Variants in CRACD observed in about 807,000 individuals in gnomAD.
The protein encoded by CRACD is capping protein inhibiting regulator of actin dynamics.
In CRACD, 56 loss-of-function variants were observed where a neutral mutation model predicts 106.8. That is an observed-to-expected ratio of 0.52 (90% CI 0.42 to 0.66). The LOEUF (loss-of-function observed/expected upper bound fraction) is 0.66. CRACD is among the 30% of genes least tolerant of loss of function. The pLI, the probability that CRACD is intolerant of heterozygous loss-of-function variation, is 0.00. For synonymous variants in CRACD, 754 were observed against 670.8 expected (o/e 1.12, Z -1.92); for missense variants, 1,730 against 1,623.2 (o/e 1.07, Z -1.13).
At chr4:56,229,421 G>T (rs574956820) in intron 2 of CRACD, among the ~76,000 whole-genome samples, 1 of 152,256 alleles carries the variant, frequency 6.6e-6, no homozygotes, top group African/African-American at 2.4e-5. Context: ...CAGGGCTTTC[G>T]CCAGACACTG....
chr4:56,236,776 C>T (rs1411102210), intron 2 of CRACD, among the ~76,000 whole-genome samples: 4 of 150,532 alleles, frequency 2.7e-5, no homozygotes, highest in Non-Finnish European at 5.9e-5. Flanking sequence ...GCAAAATATG[C>T]CATGAGAAAA....
In CRACD at chr4:56,327,908, A is replaced by C; in HGVS notation, c.*104A>C. 1 of 1,061,568 alleles carries C rather than the reference A, an allele frequency of 9.4e-7. No homozygotes were observed. The highest frequency in any genetic ancestry group is 1.4e-6 in the Non-Finnish European group (1 of 737,130). 65.8% of individuals were successfully genotyped at this position (1,061,568 alleles called of 1,614,324 possible). ...GTAAAGAAATCAAGCTAGGGAAAAG[A>C]AGCATGTTTTATAGGCTCCAAAATA... On this transcript the variant is annotated 3_prime_UTR_variant, in exon 11 of 11. Coordinates refer to ENST00000682029, the MANE Select transcript of CRACD (RefSeq NM_001393381.1).
chr4:56,161,246 T>C (rs1735939507), intron 1 of CRACD, among the ~76,000 whole-genome samples: 2 of 152,182 alleles, frequency 1.3e-5, no homozygotes, highest in African/African-American at 4.8e-5. Context: ...AATATTTTGC[T>C]TTTGCATAAA....
intron 1 of CRACD, among the ~76,000 whole-genome samples, chr4:56,074,075 T>C (rs973122707): frequency 2.6e-5 from 4 of 151,886 alleles, no homozygotes; most frequent in African/African-American, 7.2e-5. Flanking sequence ...TCTGTTTTGG[T>C]ATATACTGTA....
chr4:56,249,976 G>A lies in CRACD; in HGVS notation c.-188-22345G>A, dbSNP rs374394783. On this transcript the variant is annotated intron_variant, in intron 2 of 10. Coordinates refer to ENST00000682029, the MANE Select transcript of CRACD (RefSeq NM_001393381.1). ...ACCCAGAATACTGCCATCTGCCAGTGAGATCTAATAAGTCCTGGGATTTGG... is the reference window on the plus strand; with the variant it reads ...ACCCAGAATACTGCCATCTGCCAGTAAGATCTAATAAGTCCTGGGATTTGG... Among the ~76,000 whole-genome samples the A allele has an allele frequency of 3.3e-5, 5 of 152,320 alleles. No homozygotes were observed. In the South Asian group the frequency reaches 8.3e-4, roughly 25 times the overall value.
chr4:56,108,078 T>C (rs1242921483), intron 1 of CRACD, among the ~76,000 whole-genome samples: 1 of 152,180 alleles, frequency 6.6e-6, no homozygotes, highest in Non-Finnish European at 1.5e-5. Context: ...TTAGATGGGA[T>C]ACGTGAAAAC....
intron 1 of CRACD, among the ~76,000 whole-genome samples, chr4:56,127,030 C>G (rs890922925): frequency 6.6e-6 from 1 of 152,088 alleles, no homozygotes; most frequent in Admixed American, 6.6e-5. Flanking sequence ...GGAGATGGGG[C>G]CTTTTTGGGA....
At chr4:56,296,350 T>C (rs540969040) in intron 3 of CRACD, among the ~76,000 whole-genome samples, 1 of 152,096 alleles carries the variant, frequency 6.6e-6, no homozygotes, top group South Asian at 2.1e-4. Context: ...TAAATCAAAG[T>C]AAGGGTTGAT....
chr4:56,092,029 GA>G (rs1186307289), intron 1 of CRACD, among the ~76,000 whole-genome samples: 2 of 151,992 alleles, frequency 1.3e-5, no homozygotes, highest in Non-Finnish European at 2.9e-5. Flanking sequence ...TAAAAAGAAA[GA>G]AAAAAAGTTT....
intron 1 of CRACD, among the ~76,000 whole-genome samples, chr4:56,131,967 C>T (rs538768839): frequency 6.6e-5 from 10 of 152,210 alleles, no homozygotes; most frequent in Non-Finnish European, 1.3e-4. Flanking sequence ...CATGTAAATA[C>T]GTAGAAAACT....
intron 3 of CRACD, among the ~76,000 whole-genome samples, chr4:56,289,688 CAA>C (rs36017998): frequency 0.027 from 3,300 of 122,348 alleles, 102 homozygotes; most frequent in African/African-American, 0.09. Context: ...GACTCTGTCT[CAA>C]AAAAAAAAAA....
In CRACD at chr4:56,210,771, A is replaced by G. The variant is rs1206985243; in HGVS notation, c.-189+31341A>G. Among the ~76,000 whole-genome samples the G allele has an allele frequency of 2.0e-5, 3 of 152,340 alleles. No individual in the cohort carries two copies. The East Asian group carries it at 5.8e-4, about 29-fold the overall frequency. ...TTGAAGATTGCCAGTTAGATGAGTT[A>G]AAGGTGTATTTGAGTTCTATAGGTG... On this transcript the variant is annotated intron_variant, in intron 2 of 10. Transcript: ENST00000682029.
chr4:56,115,289 T>C (rs1359057183), intron 1 of CRACD, among the ~76,000 whole-genome samples: 1 of 152,230 alleles, frequency 6.6e-6, no homozygotes, highest in Non-Finnish European at 1.5e-5. Context: ...TATGGACCTA[T>C]TAATTTTGCC....
At chr4:56,176,701 C>T (rs111992296) in intron 1 of CRACD, among the ~76,000 whole-genome samples, 2 of 152,152 alleles carry the variant, frequency 1.3e-5, no homozygotes, top group South Asian at 4.1e-4. Context: ...TCCCAAAGTG[C>T]TGGTATTACA....
chr4:56,209,123 A>C (rs1560484534), intron 2 of CRACD, among the ~76,000 whole-genome samples: 1 of 152,226 alleles, frequency 6.6e-6, no homozygotes. Flanking sequence ...GCTAATTTTA[A>C]TAAAACCTTA....
At chr4:56,114,491 A>G (rs1427755449) in intron 1 of CRACD, among the ~76,000 whole-genome samples, 2 of 152,098 alleles carry the variant, frequency 1.3e-5, no homozygotes, top group Admixed American at 6.5e-5. Flanking sequence ...TTAGCTTTTC[A>G]ACATCTATAG....
Position 56,236,029 on chromosome 4 carries a change from G to A in CRACD, c.-188-36292G>A, listed in dbSNP as rs558187342. Reference sequence around the variant, plus strand: ...CTATTAAGAACTGAATTGTATCCTTGAAAAATGCTATGTTGGAATCTTAAT... The same window carrying A: ...CTATTAAGAACTGAATTGTATCCTTAAAAAATGCTATGTTGGAATCTTAAT... On this transcript the variant is annotated intron_variant, in intron 2 of 10. Transcript: ENST00000682029. Among the ~76,000 whole-genome samples, 13 of 152,220 alleles carry A rather than the reference G, an allele frequency of 8.5e-5. 1 individual carries two copies. The South Asian group carries it at 2.7e-3, about 32-fold the overall frequency.
At position 56,077,442 on chromosome 4, in the gene CRACD, G is replaced by A. The variant is rs905906868; in HGVS notation, c.-336+28143G>A. Among the ~76,000 whole-genome samples, 7 of 152,224 alleles carry A rather than the reference G, an allele frequency of 4.6e-5. 1 individual carries two copies. Among genetic ancestry groups the A allele is most frequent in the East Asian group, 3.9e-4 (2 of 5,186 alleles). ...AGCCAAACCATATCATTATGTATAC[G>A]TGCACATTTGTGTGTAATTGACACC... On this transcript the variant is annotated intron_variant, in intron 1 of 10. Coordinates refer to ENST00000682029, the MANE Select transcript of CRACD (RefSeq NM_001393381.1).
At chr4:56,063,586 G>A (rs1396968357) in intron 1 of CRACD, among the ~76,000 whole-genome samples, 2 of 151,984 alleles carry the variant, frequency 1.3e-5, no homozygotes, top group Non-Finnish European at 2.9e-5. Flanking sequence ...TCTATTTTCA[G>A]TCTCTGTGAA....
Sources: gnomAD v4.1 joint callset for allele counts (sites outside exome capture counted in the v4.1 genomes callset) on GRCh38, gnomAD v4.1.1 for gene constraint, MANE v1.5 for transcripts, NCBI Gene and HGNC (gene_info 2026-07-23, HGNC 2026-07-21) for gene names.